Variants in RASA2 observed in about 807,000 individuals in gnomAD.
RASA2 encodes RAS p21 protein activator 2.
A neutral mutation model predicts 118.2 loss-of-function variants in RASA2; 155 were observed. That is an observed-to-expected ratio of 1.31 (90% CI 1.15 to 1.50). The LOEUF is 1.50. Among genes scored for constraint, RASA2 ranks in the 40% most tolerant of loss-of-function variants. RASA2 has a pLI of 0.00. For synonymous variants in RASA2, 353 were observed against 349.1 expected (o/e 1.01, Z -0.12); for missense variants, 1,016 against 1,009.6 (o/e 1.01, Z -0.09).
intron 7 of RASA2, among the ~76,000 whole-genome samples, chr3:141,557,177 A>G (rs2082662784): frequency 6.6e-6 from 1 of 152,206 alleles, no homozygotes; most frequent in Admixed American, 6.5e-5. Context: ...CTGTAGCAGG[A>G]GTACTTGTTA....
At position 141,612,306 on chromosome 3, in the gene RASA2, C is replaced by A. The variant is rs867518560; in HGVS notation, c.2543C>A (p.Ala848Glu). The A allele has an allele frequency of 6.3e-7, 1 of 1,589,162 alleles. No homozygotes were observed. The highest frequency in any genetic ancestry group is 8.6e-7 in the Non-Finnish European group (1 of 1,163,098). ...AGGGAAAATCCAATTGTTGGGAAAG[C>A]ATCTTAGAGTTTAACAGATTGGTTC... ...GSKENPIVGK[A>E]S Residue 848 changes from alanine to glutamate, a missense_variant, in exon 24 of 24, where the codon GCA becomes GAA. Around this residue, in one of 2 missense-constraint regions of RASA2, gnomAD observed 120 missense variants for 173.2 expected, o/e 0.69. Coordinates refer to ENST00000286364, the MANE Select transcript of RASA2 (RefSeq NM_006506.5).
Position 141,580,365 on chromosome 3 carries a change from T to C in RASA2, c.1591-3T>C. ...TAGTTTTGGTCTTTTTTACATTCTT[T>C]AGGATGCACAGACAATTAGAACATT... On this transcript the variant is annotated splice_region_variant and splice_polypyrimidine_tract_variant and intron_variant, in intron 15 of 23. Transcript: ENST00000286364. 6.3e-7 allele frequency: 1 copy of C among 1,592,778 alleles called. No individual in the cohort carries two copies. Among genetic ancestry groups the C allele is most frequent in the Non-Finnish European group, 8.6e-7 (1 of 1,165,296 alleles).
chr3:141,548,546 T>A (rs2082522346), intron 5 of RASA2, among the ~76,000 whole-genome samples: 1 of 152,240 alleles, frequency 6.6e-6, no homozygotes, highest in South Asian at 2.1e-4. Flanking sequence ...TTATGGAATT[T>A]ATTGTTGATT....
chr3:141,607,839 A>G, intron 20 of RASA2, 79 bp downstream of exon 20: 1 of 1,360,130 alleles, frequency 7.4e-7, no homozygotes. Flanking sequence ...GGTATTTGTT[A>G]ATACCTTGTA....
At chr3:141,560,775 C>G (rs539087793) in intron 9 of RASA2, among the ~76,000 whole-genome samples, 1 of 152,082 alleles carries the variant, frequency 6.6e-6, no homozygotes, top group Admixed American at 6.5e-5. Context: ...AATGAACATG[C>G]CTTTCTCATT....
At chr3:141,571,180 A>G (rs1395189061) in intron 10 of RASA2, 112 bp downstream of exon 10, 25 of 1,157,214 alleles carry the variant, frequency 2.2e-5, no homozygotes, top group Non-Finnish European at 2.7e-5. Context: ...AGTAAAAATT[A>G]TATACATACA....
At chr3:141,513,284 A>C (rs577384148) in intron 2 of RASA2, among the ~76,000 whole-genome samples, 2 of 151,190 alleles carry the variant, frequency 1.3e-5, no homozygotes, top group Non-Finnish European at 2.9e-5. Context: ...CATTTTTTAT[A>C]ATTTTAAATA....
At chr3:141,538,106 C>CAG (rs1282351404) in intron 4 of RASA2, among the ~76,000 whole-genome samples, 1 of 151,290 alleles carries the variant, frequency 6.6e-6, no homozygotes, top group African/African-American at 2.4e-5. Context: ...ACAAAACACA[C>CAG]ACACACACAC....
At position 141,530,726 on chromosome 3, in the gene RASA2, G is replaced by C. The variant is rs549261274; in HGVS notation, c.450+924G>C. Among the ~76,000 whole-genome samples the C allele has an allele frequency of 3.9e-5, 6 of 152,156 alleles. No individual in the cohort carries two copies. In the South Asian group the frequency reaches 1.2e-3, roughly 32 times the overall value. On this transcript the variant is annotated intron_variant, in intron 4 of 23. Coordinates refer to ENST00000286364, the MANE Select transcript of RASA2 (RefSeq NM_006506.5). The stretch of plus-strand genomic sequence containing the variant: ...AATTCTCAAAAAATTAAGTACTTAT[G>C]CACTAACCCCCCTTCTTAACTGCAA...
chr3:141,499,745 C>T (rs1034129520), intron 1 of RASA2, among the ~76,000 whole-genome samples: 2 of 152,276 alleles, frequency 1.3e-5, no homozygotes, highest in African/African-American at 4.8e-5. Context: ...ACTGCAGGTG[C>T]ACGCCACCAC....
At position 141,572,592 on chromosome 3, in the gene RASA2, A is replaced by G. The variant is rs2151130879; in HGVS notation, c.1170-17A>G. On this transcript the variant is annotated splice_polypyrimidine_tract_variant and intron_variant, in intron 11 of 23. Transcript: ENST00000286364. Reference sequence around the variant, plus strand: ...ACCTTTGTTTACTACATTTGGTTTCATCTATTTCTATTTCAGAGATGCAAA... The same window carrying G: ...ACCTTTGTTTACTACATTTGGTTTCGTCTATTTCTATTTCAGAGATGCAAA... 5 of 1,561,396 alleles carry G rather than the reference A, an allele frequency of 3.2e-6. No homozygotes were observed. Among genetic ancestry groups the G allele is most frequent in the Non-Finnish European group, 4.4e-6 (5 of 1,132,466 alleles).
intron 9 of RASA2, among the ~76,000 whole-genome samples, chr3:141,567,509 A>C (rs1305204320): frequency 6.6e-6 from 1 of 152,236 alleles, no homozygotes; most frequent in Non-Finnish European, 1.5e-5. Flanking sequence ...TATTGACAAC[A>C]TTTAAAATGC....
intron 15 of RASA2, among the ~76,000 whole-genome samples, chr3:141,577,676 C>T (rs993658441): frequency 6.6e-6 from 1 of 151,946 alleles, no homozygotes; most frequent in African/African-American, 2.4e-5. Context: ...TAAGCATTAA[C>T]AGTAAAAACA....
chr3:141,538,676 A>G (rs748704497), intron 4 of RASA2, among the ~76,000 whole-genome samples: 2 of 152,126 alleles, frequency 1.3e-5, no homozygotes, highest in Admixed American at 6.5e-5. Flanking sequence ...CCCTAACAGT[A>G]TGTGTTTTGT....
intron 1 of RASA2, among the ~76,000 whole-genome samples, chr3:141,489,666 C>G (rs1346991420): frequency 2.6e-5 from 4 of 152,148 alleles, no homozygotes; most frequent in Admixed American, 2.0e-4. Flanking sequence ...TCTGGACTTG[C>G]ATAGGACTTT....
chr3:141,609,409 T>G lies in RASA2; in HGVS notation c.2226-11T>G. 1 of 1,460,732 alleles carries G rather than the reference T, an allele frequency of 6.8e-7. No individual in the cohort carries two copies. Among genetic ancestry groups the G allele is most frequent in the Middle Eastern group, 2.2e-4 (1 of 4,496 alleles). The allele number at this position is 1,460,732 out of a possible 1,614,324, so 90.5% of individuals were successfully genotyped here. Reference sequence around the variant, plus strand: ...TTGTATAATATCTTTATTTTTTTATTTTTACCATAGAGGTGTCCCTGCAGA... The same window carrying G: ...TTGTATAATATCTTTATTTTTTTATGTTTACCATAGAGGTGTCCCTGCAGA... On this transcript the variant is annotated splice_polypyrimidine_tract_variant and intron_variant, in intron 21 of 23. Coordinates refer to ENST00000286364, the MANE Select transcript of RASA2 (RefSeq NM_006506.5).
At chr3:141,592,105 A>G (rs181689357) in intron 19 of RASA2, among the ~76,000 whole-genome samples, 54 of 152,330 alleles carry the variant, frequency 3.5e-4, no homozygotes, top group Admixed American at 1.1e-3. Flanking sequence ...ATTATAATAA[A>G]TCAGATGAAC....
intron 1 of RASA2, among the ~76,000 whole-genome samples, chr3:141,504,744 C>A (rs762201867): frequency 3.9e-5 from 6 of 151,998 alleles, no homozygotes; most frequent in African/African-American, 1.4e-4. Flanking sequence ...ATCTGACACA[C>A]AAAAAAAGCC....
chr3:141,570,974 T>C lies in RASA2; in HGVS notation c.926T>C (p.Leu309Pro), dbSNP rs2082909160. The change falls in exon 10 of 24, where the codon CTT (leucine) becomes CCT (proline). Residue 309 changes from leucine (L) to proline (P), a missense_variant. Leu to Pro is a moderately conservative substitution (Grantham distance 98). Coordinates refer to ENST00000286364, the MANE Select transcript of RASA2 (RefSeq NM_006506.5). ...TCCAAAACTGATGACCTGGGGTCTC[T>C]TCGATTAAATATATGTTATACAGAA... is the stretch of plus-strand genomic sequence containing the variant. ...KSSKTDDLGS[L>P]RLNICYTEDY... The C allele has an allele frequency of 6.2e-7, 1 of 1,612,468 alleles. No homozygotes were observed. Among genetic ancestry groups the C allele is most frequent in the African/African-American group, 1.3e-5 (1 of 74,848 alleles).
Sources: allele counts gnomAD v4.1 joint callset (sites outside exome capture counted in the v4.1 genomes callset), GRCh38; gene constraint gnomAD v4.1.1; regional missense constraint gnomAD v4.1.1; transcripts MANE v1.5; gene names NCBI Gene and HGNC (gene_info 2026-07-23, HGNC 2026-07-21).